The following VTA1 variants were observed in gnomAD, a reference collection of about 807,000 sequenced individuals.
VTA1 encodes vesicle trafficking 1.
A neutral mutation model predicts 36.9 loss-of-function variants in VTA1; 24 were observed. That is an observed-to-expected ratio of 0.65 (90% CI 0.47 to 0.91). VTA1 has a LOEUF of 0.91. VTA1 is among the 40% of genes least tolerant of loss of function. VTA1 has a pLI of 0.00. For synonymous variants in VTA1, 142 were observed against 130.2 expected (o/e 1.09, Z -0.62); for missense variants, 393 against 377.2 (o/e 1.04, Z -0.35).
intron 5 of VTA1, among the ~76,000 whole-genome samples, chr6:142,192,760 T>A (rs1775479297): frequency 1.3e-5 from 2 of 151,880 alleles, no homozygotes; most frequent in South Asian, 4.1e-4. Context: ...GGTGTCATAA[T>A]CTGGTGTTAA....
chr6:142,204,964 T>G (rs1423562504), intron 7 of VTA1, among the ~76,000 whole-genome samples: 1 of 152,128 alleles, frequency 6.6e-6, no homozygotes, highest in Admixed American at 6.5e-5. Context: ...GACCTCATAA[T>G]CCGCCTGCCT....
chr6:142,165,870 A>T (rs1346102393), intron 1 of VTA1, among the ~76,000 whole-genome samples: 1 of 152,026 alleles, frequency 6.6e-6, no homozygotes, highest in East Asian at 1.9e-4. Flanking sequence ...TGTCAGTATC[A>T]CTTATTTGGC....
chr6:142,195,378 T>C (rs923504867), intron 5 of VTA1, among the ~76,000 whole-genome samples: 2 of 152,004 alleles, frequency 1.3e-5, no homozygotes, highest in Non-Finnish European at 2.9e-5. Context: ...TATTTTCTTA[T>C]TGTCTTCACT....
chr6:142,173,770 T>C (rs971723224), intron 4 of VTA1, among the ~76,000 whole-genome samples: 5 of 152,184 alleles, frequency 3.3e-5, no homozygotes, highest in African/African-American at 9.6e-5. Flanking sequence ...TAGGTTTACT[T>C]TTAGCTACCA....
At position 142,218,933 on chromosome 6, in the gene VTA1, A is replaced by T. The variant is rs955527402; in HGVS notation, c.*290A>T. On this transcript the variant is annotated 3_prime_UTR_variant, in exon 8 of 8. Transcript: ENST00000367630. ...AAAAAATGAAAACACACCTCTATAA[A>T]ATGTGTACTGGGAATAAGCTTTGTA... is the stretch of plus-strand genomic sequence containing the variant. The T allele has an allele frequency of 1.4e-5, 3 of 215,344 alleles. No individual in the cohort carries two copies. The highest frequency in any genetic ancestry group is 2.7e-5 in the Non-Finnish European group (3 of 112,148). The allele number at this position is 215,344 out of a possible 1,614,324, so 13.3% of individuals were successfully genotyped here. A position where few individuals can be genotyped will look rare whatever the true frequency, so the allele number is the denominator to read the frequency against.
intron 1 of VTA1, 95 bp from the exon 2 acceptor site, chr6:142,166,133 A>C (rs1382896837): frequency 2.5e-6 from 2 of 795,632 alleles, no homozygotes; most frequent in Admixed American, 3.3e-5. Context: ...ATTTACTTGA[A>C]TTTTTAATTA....
At chr6:142,168,912 GCC>G (rs1290356498) in intron 2 of VTA1, among the ~76,000 whole-genome samples, 1 of 151,576 alleles carries the variant, frequency 6.6e-6, no homozygotes, top group Non-Finnish European at 1.5e-5. Flanking sequence ...GACTACAGCT[GCC>G]CGCCACCATG....
At chr6:142,200,795 G>C (rs1162143448) in intron 6 of VTA1, among the ~76,000 whole-genome samples, 1 of 151,754 alleles carries the variant, frequency 6.6e-6, no homozygotes, top group Admixed American at 6.6e-5. Flanking sequence ...GTTCCTTAGA[G>C]GGAAGAATAA....
chr6:142,205,021 G>C (rs1311761312), intron 7 of VTA1, among the ~76,000 whole-genome samples: 1 of 152,138 alleles, frequency 6.6e-6, no homozygotes, highest in Non-Finnish European at 1.5e-5. Context: ...ACCGTGCCCA[G>C]CCATTTATTT....
At chr6:142,217,231 C>T (rs899075298) in intron 7 of VTA1, among the ~76,000 whole-genome samples, 1 of 152,074 alleles carries the variant, frequency 6.6e-6, no homozygotes, top group Admixed American at 6.6e-5. Flanking sequence ...CTTACTCTAG[C>T]ACCCTACACT....
At chr6:142,203,614 G>A (rs1412293859) in intron 6 of VTA1, among the ~76,000 whole-genome samples, 4 of 151,960 alleles carry the variant, frequency 2.6e-5, no homozygotes, top group Non-Finnish European at 5.9e-5. Context: ...TTCATGCACA[G>A]TGATGAAATT....
At chr6:142,202,227 A>G (rs1314761727) in intron 6 of VTA1, among the ~76,000 whole-genome samples, 2 of 151,938 alleles carry the variant, frequency 1.3e-5, no homozygotes, top group Non-Finnish European at 2.9e-5. Flanking sequence ...TCAGATGTTT[A>G]TAATTTAAAT....
At position 142,189,429 on chromosome 6, in the gene VTA1, G is replaced by A; in HGVS notation, c.415G>A (p.Val139Met). 1.9e-6 allele frequency: 3 copies of A among 1,612,814 alleles called. No homozygotes were observed. Among genetic ancestry groups the A allele is most frequent in the Non-Finnish European group, 2.5e-6 (3 of 1,179,158 alleles). The change falls in exon 5 of 8, where the codon GTG becomes ATG. Residue 139 changes from valine (V) to methionine (M), a missense_variant. Coordinates refer to ENST00000367630, the MANE Select transcript of VTA1 (RefSeq NM_016485.5). ...TVFGELTDENVKHRKYARWKA... is the reference protein window; with the variant it reads ...TVFGELTDENMKHRKYARWKA... Reference sequence around the variant, plus strand: ...ATATAAAAATGCTCTCTTTTAGAATGTGAAACACAGGAAGTATGCCAGATG... The same window carrying A: ...ATATAAAAATGCTCTCTTTTAGAATATGAAACACAGGAAGTATGCCAGATG...
intron 4 of VTA1, among the ~76,000 whole-genome samples, chr6:142,176,601 CTTTTT>C (rs10689552): frequency 1.4e-5 from 2 of 138,566 alleles, no homozygotes; most frequent in African/African-American, 2.6e-5. Context: ...AAGGTTCAGC[CTTTTT>C]TTTTTTTTTT....
intron 1 of VTA1, among the ~76,000 whole-genome samples, chr6:142,156,569 C>T (rs1187649980): frequency 6.6e-6 from 1 of 152,174 alleles, no homozygotes; most frequent in Non-Finnish European, 1.5e-5. Context: ...GAACTTTCCC[C>T]TTCCTTTTTC....
chr6:142,211,595 C>T (rs1157596822), intron 7 of VTA1, among the ~76,000 whole-genome samples: 1 of 151,934 alleles, frequency 6.6e-6, no homozygotes, highest in African/African-American at 2.4e-5. Context: ...CCTCTAATCC[C>T]AGCTACTCGG....
Position 142,167,631 on chromosome 6 carries a change from C to T in VTA1, c.207+1309C>T, listed in dbSNP as rs1469024680. Among the ~76,000 whole-genome samples, 5 of 152,150 alleles carry T rather than the reference C, an allele frequency of 3.3e-5. No homozygotes were observed. In the East Asian group the frequency reaches 9.6e-4, roughly 29 times the overall value. On this transcript the variant is annotated intron_variant, in intron 2 of 7. Coordinates refer to ENST00000367630, the MANE Select transcript of VTA1 (RefSeq NM_016485.5). Reference sequence around the variant, plus strand: ...TTCCTACCTAGTTGTATAAAGCAGCCATGGGCAGTAGTGTTCTCTCTCACT... The same window carrying T: ...TTCCTACCTAGTTGTATAAAGCAGCTATGGGCAGTAGTGTTCTCTCTCACT...
At chr6:142,198,140 T>G (rs1329343285) in intron 5 of VTA1, among the ~76,000 whole-genome samples, 1 of 148,408 alleles carries the variant, frequency 6.7e-6, no homozygotes, top group African/African-American at 2.5e-5. Flanking sequence ...TGTGTGTGTG[T>G]GTGTGTGTGT....
intron 1 of VTA1, among the ~76,000 whole-genome samples, chr6:142,154,904 C>A (rs1041488389): frequency 1.3e-4 from 19 of 151,992 alleles, no homozygotes; most frequent in African/African-American, 4.6e-4. Context: ...GAAAATTACT[C>A]CTTTTCCTCA....
Sources: allele counts gnomAD v4.1 joint callset (sites outside exome capture counted in the v4.1 genomes callset), GRCh38; gene constraint gnomAD v4.1.1; transcripts MANE v1.5; gene names NCBI Gene and HGNC (gene_info 2026-07-23, HGNC 2026-07-21).